The following PLXDC2 variants were observed in gnomAD, a reference collection of about 807,000 sequenced individuals.
PLXDC2 encodes the protein plexin domain containing 2.
In PLXDC2, 40 loss-of-function variants were observed where a neutral mutation model predicts 68.9. The observed-to-expected ratio is 0.58, with a 90% CI of 0.45 to 0.76. The LOEUF (loss-of-function observed/expected upper bound fraction) is 0.76. Ranked by LOEUF, PLXDC2 falls within the 30% of genes least tolerant of loss-of-function variation. PLXDC2 has a pLI of 0.00. For synonymous variants in PLXDC2, 243 were observed against 234.2 expected (o/e 1.04, Z -0.34); for missense variants, 644 against 661.9 (o/e 0.97, Z 0.30).
chr10:19,972,871 C>G (rs1343954228), intron 1 of PLXDC2, among the ~76,000 whole-genome samples: 1 of 152,114 alleles, frequency 6.6e-6, no homozygotes, highest in Non-Finnish European at 1.5e-5. Context: ...ACTGATGAAA[C>G]AAATGTATTT....
chr10:20,196,409 G>A (rs1834838120), intron 9 of PLXDC2, among the ~76,000 whole-genome samples: 1 of 152,096 alleles, frequency 6.6e-6, no homozygotes, highest in Non-Finnish European at 1.5e-5. Context: ...CCTGTGCTAG[G>A]TGCCATGGAG....
At chr10:19,888,292 G>A (rs1283799765) in intron 1 of PLXDC2, among the ~76,000 whole-genome samples, 1 of 152,120 alleles carries the variant, frequency 6.6e-6, no homozygotes, top group Non-Finnish European at 1.5e-5. Context: ...AGAACAACTG[G>A]GAAATGATTC....
chr10:19,937,557 T>TATATATATATATATAC lies in PLXDC2; in HGVS notation c.113-64203_113-64202insCATATATATATATATA, dbSNP rs1554846750. The stretch of plus-strand genomic sequence containing the variant: ...ATTATAGTCAATGTATATATATATA[T>TATATATATATATATAC]ATATATATATATATATATATATATA... On this transcript the variant is annotated intron_variant, in intron 1 of 13. Transcript: ENST00000377252. Among the ~76,000 whole-genome samples the TATATATATATATATAC allele has an allele frequency of 3.9e-3, 317 of 81,234 alleles. 5 individuals carry two copies. The highest frequency in any genetic ancestry group is 0.014 in the African/African-American group (291 of 20,180). The allele number at this position is 81,234 out of a possible 152,430, so 53.3% of individuals were successfully genotyped here.
At chr10:20,065,174 A>T (rs1836182500) in intron 3 of PLXDC2, among the ~76,000 whole-genome samples, 1 of 152,190 alleles carries the variant, frequency 6.6e-6, no homozygotes, top group Non-Finnish European at 1.5e-5. Context: ...CAAGGTTGAG[A>T]GAATATTGTT....
At chr10:19,943,609 C>T (rs1454186015) in intron 1 of PLXDC2, among the ~76,000 whole-genome samples, 4 of 152,186 alleles carry the variant, frequency 2.6e-5, no homozygotes, top group Admixed American at 2.0e-4. Flanking sequence ...TTAGACCACA[C>T]GAAGCTCCCT....
intron 1 of PLXDC2, among the ~76,000 whole-genome samples, chr10:19,820,734 T>C (rs1836452819): frequency 6.6e-6 from 1 of 151,412 alleles, no homozygotes; most frequent in African/African-American, 2.4e-5. Flanking sequence ...AAACATTATG[T>C]TTTTAAAGAG....
intron 4 of PLXDC2, chr10:20,070,726 G>T (rs2131708774): frequency 6.6e-6 from 1 of 152,226 alleles, no homozygotes; most frequent in Non-Finnish European, 1.5e-5. Context: ...GTGTTCTATT[G>T]AATTTTTCAA....
chr10:19,948,435 A>G (rs575427103), intron 1 of PLXDC2, among the ~76,000 whole-genome samples: 1 of 142,340 alleles, frequency 7.0e-6, no homozygotes, highest in Non-Finnish European at 1.5e-5. Flanking sequence ...TAGTGCTCTC[A>G]GTTAAGAATG....
intron 6 of PLXDC2, 45 bp downstream of exon 6, chr10:20,147,947 A>C: frequency 7.6e-7 from 1 of 1,308,610 alleles, no homozygotes; most frequent in Non-Finnish European, 1.1e-6. Context: ...CTTGTTCTTG[A>C]CTGCTGCCTT....
intron 13 of PLXDC2, among the ~76,000 whole-genome samples, chr10:20,273,167 GAATT>G (rs1835960706): frequency 6.6e-6 from 1 of 152,194 alleles, no homozygotes; most frequent in African/African-American, 2.4e-5. Flanking sequence ...GAACCTTGTG[GAATT>G]CTTCATTTGG....
intron 1 of PLXDC2, among the ~76,000 whole-genome samples, chr10:19,886,766 T>A (rs1473202043): frequency 6.6e-6 from 1 of 152,166 alleles, no homozygotes; most frequent in African/African-American, 2.4e-5. Context: ...TGTTGGAAGT[T>A]CTGGCCAGGG....
intron 1 of PLXDC2, among the ~76,000 whole-genome samples, chr10:19,919,253 A>G (rs1234375259): frequency 6.6e-6 from 1 of 152,238 alleles, no homozygotes; most frequent in Non-Finnish European, 1.5e-5. Flanking sequence ...ATAAAAATCC[A>G]TCTTATAAAC....
intron 4 of PLXDC2, among the ~76,000 whole-genome samples, chr10:20,072,043 G>A (rs1286268482): frequency 6.6e-6 from 1 of 152,036 alleles, no homozygotes; most frequent in Non-Finnish European, 1.5e-5. Context: ...ATGTTGTGGA[G>A]TACTTTGAAC....
chr10:19,894,224 A>G (rs1838015898), intron 1 of PLXDC2, among the ~76,000 whole-genome samples: 2 of 152,204 alleles, frequency 1.3e-5, no homozygotes, highest in African/African-American at 4.8e-5. Context: ...ATCCCTTGGA[A>G]ACGTAAAACA....
At chr10:19,889,034 A>G (rs1837899877) in intron 1 of PLXDC2, among the ~76,000 whole-genome samples, 1 of 147,254 alleles carries the variant, frequency 6.8e-6, no homozygotes, top group South Asian at 2.1e-4. Context: ...AGGGTAGTAG[A>G]AAAAAAATAC....
chr10:20,113,607 C>G (rs1833585301), intron 4 of PLXDC2, among the ~76,000 whole-genome samples: 1 of 152,112 alleles, frequency 6.6e-6, no homozygotes, highest in Non-Finnish European at 1.5e-5. Flanking sequence ...CACATTCTGG[C>G]TGAATGAACT....
intron 4 of PLXDC2, among the ~76,000 whole-genome samples, chr10:20,091,021 G>T (rs1433453616): frequency 6.6e-6 from 1 of 152,124 alleles, no homozygotes; most frequent in Non-Finnish European, 1.5e-5. Flanking sequence ...TTGCACACAG[G>T]ATGAATGTAG....
intron 1 of PLXDC2, among the ~76,000 whole-genome samples, chr10:19,946,432 A>C (rs541158238): frequency 3.3e-5 from 5 of 152,132 alleles, no homozygotes; most frequent in Admixed American, 3.3e-4. Context: ...GATGATGTCC[A>C]CATCCTATTT....
At chr10:19,930,058 G>T (rs1253383204) in intron 1 of PLXDC2, among the ~76,000 whole-genome samples, 1 of 151,826 alleles carries the variant, frequency 6.6e-6, no homozygotes, top group Admixed American at 6.6e-5. Flanking sequence ...TTCCTCCCTA[G>T]AATTTCATTG....
Sources: gnomAD v4.1 joint callset for allele counts (sites outside exome capture counted in the v4.1 genomes callset) on GRCh38, gnomAD v4.1.1 for gene constraint, MANE v1.5 for transcripts, NCBI Gene and HGNC (gene_info 2026-07-23, HGNC 2026-07-21) for gene names.